Variants in CNTN1 observed in about 807,000 individuals in gnomAD.
The protein encoded by CNTN1 is contactin-1.
In CNTN1, 38 loss-of-function variants were observed where a neutral mutation model predicts 126.4. The observed-to-expected ratio is 0.30, with a 90% CI of 0.23 to 0.39. The LOEUF (loss-of-function observed/expected upper bound fraction) is 0.39. Ranked by LOEUF, CNTN1 falls within the 10% of genes least tolerant of loss-of-function variation. CNTN1 has a pLI of 1.00. For missense variants in CNTN1, 1,009 were observed against 1,248.4 expected (o/e 0.81, Z 2.89); for synonymous variants, 413 against 422.6 (o/e 0.98, Z 0.28).
chr12:40,717,283 C>T (rs1314917238), intron 1 of CNTN1, among the ~76,000 whole-genome samples: 1 of 152,046 alleles, frequency 6.6e-6, no homozygotes, highest in Non-Finnish European at 1.5e-5. Flanking sequence ...TGTTGTTTTA[C>T]CTAAATGTAT....
intron 23 of CNTN1, among the ~76,000 whole-genome samples, chr12:41,044,638 T>C (rs1949502628): frequency 6.6e-6 from 1 of 152,088 alleles, no homozygotes; most frequent in Admixed American, 6.6e-5. Context: ...GAGGGTAGAA[T>C]CTGGAAAGAA....
chr12:41,017,378 T>TC, intron 19 of CNTN1, among the ~76,000 whole-genome samples: 1 of 130,234 alleles, frequency 7.7e-6, no homozygotes, highest in East Asian at 2.1e-4. Flanking sequence ...CAAGACTCCG[T>TC]CTCAAAAAAA....
At chr12:40,997,722 G>A (rs1948254084) in intron 17 of CNTN1, among the ~76,000 whole-genome samples, 2 of 152,064 alleles carry the variant, frequency 1.3e-5, no homozygotes, top group Admixed American at 6.6e-5. Flanking sequence ...ATTAAGAGAG[G>A]GGATAATGCC....
At chr12:40,811,197 A>G (rs1011544518) in intron 1 of CNTN1, among the ~76,000 whole-genome samples, 1 of 152,176 alleles carries the variant, frequency 6.6e-6, no homozygotes, top group Non-Finnish European at 1.5e-5. Flanking sequence ...ACACCCTGAA[A>G]TCGGATTGCT....
intron 20 of CNTN1, among the ~76,000 whole-genome samples, chr12:41,021,252 G>C (rs1449481295): frequency 6.6e-6 from 1 of 152,034 alleles, no homozygotes; most frequent in Non-Finnish European, 1.5e-5. Flanking sequence ...AACTCAAGTT[G>C]TCTGATTCAA....
chr12:40,846,414 G>T lies in CNTN1; in HGVS notation c.-76-61943G>T, dbSNP rs562506468. On this transcript the variant is annotated intron_variant, in intron 1 of 23. Transcript: ENST00000551295. ...ATCCCGGGGGCGGAGCCTGCAGTGA[G>T]CCGAGATTGCGCCACTGCACTCCAG... Among the ~76,000 whole-genome samples the T allele has an allele frequency of 2.8e-4, 43 of 152,300 alleles. 1 individual carries two copies. The South Asian group carries it at 6.4e-3, about 23-fold the overall frequency.
chr12:40,943,493 T>C, intron 12 of CNTN1, 104 bp from the exon 13 acceptor site: 2 of 865,894 alleles, frequency 2.3e-6, no homozygotes, highest in Non-Finnish European at 3.7e-6. Context: ...GCATGATTTA[T>C]ATAGAATGTA....
chr12:40,775,825 C>A (rs896059864), intron 1 of CNTN1, among the ~76,000 whole-genome samples: 5 of 151,446 alleles, frequency 3.3e-5, no homozygotes, highest in African/African-American at 1.2e-4. Flanking sequence ...AGAAACATTG[C>A]GGGGTAACAT....
At chr12:40,810,617 C>T (rs924635430) in intron 1 of CNTN1, among the ~76,000 whole-genome samples, 1 of 151,004 alleles carries the variant, frequency 6.6e-6, no homozygotes, top group African/African-American at 2.4e-5. Flanking sequence ...TTAGATTTCA[C>T]ATATAAGTGA....
At chr12:41,042,977 T>C (rs1365332141) in intron 23 of CNTN1, among the ~76,000 whole-genome samples, 2 of 152,178 alleles carry the variant, frequency 1.3e-5, no homozygotes, top group African/African-American at 2.4e-5. Flanking sequence ...ATCCCTTCTT[T>C]ACACCTTATA....
chr12:41,010,194 ATGTTGGTTTGAGCCAC>A (rs564676563), intron 17 of CNTN1, among the ~76,000 whole-genome samples: 46 of 152,170 alleles, frequency 3.0e-4, no homozygotes, highest in African/African-American at 1.1e-3. Flanking sequence ...CCTGTGCTGT[ATGTTGGTTTGAGCCAC>A]TGGAGCTCCG....
chr12:40,954,281 T>C (rs1449359103), intron 14 of CNTN1, among the ~76,000 whole-genome samples: 1 of 152,092 alleles, frequency 6.6e-6, no homozygotes, highest in Non-Finnish European at 1.5e-5. Context: ...ATCAAGTGCA[T>C]TTGTATTAAG....
intron 1 of CNTN1, among the ~76,000 whole-genome samples, chr12:40,859,142 A>G (rs77516236): frequency 0.034 from 5,125 of 152,222 alleles, 116 homozygotes; most frequent in Middle Eastern, 0.12. Context: ...TAAAATAAAT[A>G]TAAAAAATTT....
At chr12:40,986,303 T>G (rs1406021627) in intron 16 of CNTN1, among the ~76,000 whole-genome samples, 1 of 152,212 alleles carries the variant, frequency 6.6e-6, no homozygotes, top group African/African-American at 2.4e-5. Flanking sequence ...CCAAACATTG[T>G]GTATAGAAGA....
chr12:41,023,199 A>G (rs1948964049), intron 20 of CNTN1, among the ~76,000 whole-genome samples: 1 of 152,192 alleles, frequency 6.6e-6, no homozygotes, highest in South Asian at 2.1e-4. Context: ...ATACACAGAA[A>G]GAAAGCAGCA....
At chr12:41,044,749 T>C (rs1051660245) in intron 23 of CNTN1, among the ~76,000 whole-genome samples, 3 of 152,058 alleles carry the variant, frequency 2.0e-5, no homozygotes, top group Non-Finnish European at 2.9e-5. Context: ...AAATTAATCA[T>C]TTTTGGAGAA....
At chr12:41,060,084 T>C (rs1949907658) in intron 23 of CNTN1, among the ~76,000 whole-genome samples, 1 of 152,152 alleles carries the variant, frequency 6.6e-6, no homozygotes, top group Non-Finnish European at 1.5e-5. Flanking sequence ...CAGAATCTTA[T>C]GAATAAATGA....
At chr12:40,945,275 A>G (rs980570492) in intron 14 of CNTN1, among the ~76,000 whole-genome samples, 2 of 152,090 alleles carry the variant, frequency 1.3e-5, no homozygotes, top group African/African-American at 4.8e-5. Flanking sequence ...ACTATTTTGC[A>G]CATGCCCAAA....
At position 40,902,539 on chromosome 12, in the gene CNTN1, A is replaced by G. The variant is rs150205567; in HGVS notation, c.-76-5818A>G. Among the ~76,000 whole-genome samples, 990 of 152,288 alleles carry G rather than the reference A, an allele frequency of 6.5e-3. 9 individuals are homozygous for G. Among genetic ancestry groups the G allele is most frequent in the Non-Finnish European group, 0.011 (726 of 68,020 alleles). ...CGAGGTTGAAATAGAGGTACAATTTATGGATAAAGGCACATTTTTTTGTAC... is the reference window on the plus strand; with the variant it reads ...CGAGGTTGAAATAGAGGTACAATTTGTGGATAAAGGCACATTTTTTTGTAC... On this transcript the variant is annotated intron_variant, in intron 1 of 23. Coordinates refer to ENST00000551295, the MANE Select transcript of CNTN1 (RefSeq NM_001843.4).
Sources: gnomAD v4.1 joint callset for allele counts (sites outside exome capture counted in the v4.1 genomes callset) on GRCh38, gnomAD v4.1.1 for gene constraint, MANE v1.5 for transcripts, NCBI Gene and HGNC (gene_info 2026-07-23, HGNC 2026-07-21) for gene names.